SNX24: variants seen among roughly 807,000 people sequenced by gnomAD.
SNX24 encodes sorting nexin-24.
A neutral mutation model predicts 28.7 loss-of-function variants in SNX24; 22 were observed. That is an observed-to-expected ratio of 0.77 (90% CI 0.55 to 1.10). The LOEUF (loss-of-function observed/expected upper bound fraction) is 1.10. SNX24 is among the 50% of genes least tolerant of loss of function. The probability of loss-of-function intolerance (pLI) is 0.00; values close to 1 mark genes in which losing one functional copy is unlikely to be tolerated. For synonymous variants in SNX24, 69 were observed against 71.5 expected (o/e 0.96, Z 0.18); for missense variants, 221 against 201.1 (o/e 1.10, Z -0.60).
Position 123,008,775 on chromosome 5 carries a change from A to G in SNX24, c.*1026A>G. On this transcript the variant is annotated 3_prime_UTR_variant, in exon 7 of 7. Transcript: ENST00000261369. ...TTACGGCTTCCTTTTCACTGACCTC[A>G]TTTGTTGAGTTAATGTAAGTTAAAT... is the stretch of plus-strand genomic sequence containing the variant. 1.4e-6 allele frequency: 1 copy of G among 710,880 alleles called. No individual in the cohort carries two copies. Among genetic ancestry groups the G allele is most frequent in the Non-Finnish European group, 1.7e-6 (1 of 579,448 alleles). The allele number at this position is 710,880 out of a possible 1,614,324, so 44.0% of individuals were successfully genotyped here. A position where few individuals can be genotyped will look rare whatever the true frequency, so the allele number is the denominator to read the frequency against.
intron 5 of SNX24, among the ~76,000 whole-genome samples, chr5:123,020,258 G>A (rs436160): frequency 0.23 from 35,230 of 151,970 alleles, 5,214 homozygotes; most frequent in Non-Finnish European, 0.34. Flanking sequence ...TTCTTTTTCT[G>A]ATTATTAAAA....
intron 1 of SNX24, among the ~76,000 whole-genome samples, chr5:122,904,239 A>G (rs928480987): frequency 4.6e-5 from 7 of 151,874 alleles, no homozygotes; most frequent in African/African-American, 1.5e-4. Flanking sequence ...CTGGAGTGCA[A>G]TGGCACAATC....
At chr5:122,868,274 A>C (rs1475573668) in intron 1 of SNX24, among the ~76,000 whole-genome samples, 1 of 152,030 alleles carries the variant, frequency 6.6e-6, no homozygotes, top group Non-Finnish European at 1.5e-5. Context: ...CCATTTGATG[A>C]TGGAGTGCTG....
At chr5:122,898,341 A>G (rs758259922) in intron 1 of SNX24, among the ~76,000 whole-genome samples, 3 of 152,262 alleles carry the variant, frequency 2.0e-5, no homozygotes, top group African/African-American at 4.8e-5. Flanking sequence ...AAGACATGAT[A>G]CAGATAGCAA....
At chr5:122,899,829 G>GT (rs1343778823) in intron 1 of SNX24, among the ~76,000 whole-genome samples, 1 of 152,190 alleles carries the variant, frequency 6.6e-6, no homozygotes, top group Non-Finnish European at 1.5e-5. Flanking sequence ...GTATGCTCTT[G>GT]TGGGGATAAC....
intron 1 of SNX24, among the ~76,000 whole-genome samples, chr5:122,850,983 T>A (rs953127315): frequency 8.6e-5 from 13 of 151,924 alleles, no homozygotes; most frequent in Non-Finnish European, 8.8e-5. Flanking sequence ...TGCTCCTGAG[T>A]GGTCTTGCAA....
chr5:122,920,072 A>T (rs1319043037), intron 1 of SNX24, among the ~76,000 whole-genome samples: 1 of 152,190 alleles, frequency 6.6e-6, no homozygotes, highest in Non-Finnish European at 1.5e-5. Context: ...GAAAGTAGAA[A>T]ATTCAGGTAG....
chr5:122,993,773 G>C (rs1026696800), intron 3 of SNX24, among the ~76,000 whole-genome samples: 1 of 152,220 alleles, frequency 6.6e-6, no homozygotes, highest in Non-Finnish European at 1.5e-5. Context: ...TTACTGCAGT[G>C]AGGAGGTATT....
chr5:122,929,779 T>A (rs1043768472), intron 1 of SNX24, among the ~76,000 whole-genome samples: 12 of 152,118 alleles, frequency 7.9e-5, no homozygotes, highest in African/African-American at 2.9e-4. Flanking sequence ...TTATTCTAAT[T>A]TGAACACTTT....
chr5:122,980,425 C>G lies in SNX24; in HGVS notation c.250-19487C>G, dbSNP rs562810275. On this transcript the variant is annotated intron_variant, in intron 3 of 6. Coordinates refer to ENST00000261369, the MANE Select transcript of SNX24 (RefSeq NM_014035.4). Reference sequence around the variant, plus strand: ...GAGAGGCAAGTTCACTTTGCTTGATCCCAAGTAAATGTTAGCTTTGTCTCT... The same window carrying G: ...GAGAGGCAAGTTCACTTTGCTTGATGCCAAGTAAATGTTAGCTTTGTCTCT... Among the ~76,000 whole-genome samples, 4 of 152,026 alleles carry G rather than the reference C, an allele frequency of 2.6e-5. No homozygotes were observed. In the South Asian group the frequency reaches 8.3e-4, roughly 31 times the overall value.
chr5:123,023,977 T>C, intron 5 of SNX24: 1 of 1,613,934 alleles, frequency 6.2e-7, no homozygotes, highest in Non-Finnish European at 8.5e-7. Flanking sequence ...CATCAGTTGC[T>C]TGGAGCTCTA....
chr5:122,886,703 G>A (rs776569643), intron 1 of SNX24, among the ~76,000 whole-genome samples: 3 of 151,756 alleles, frequency 2.0e-5, no homozygotes, highest in Non-Finnish European at 4.4e-5. Flanking sequence ...GGTGGCAGGC[G>A]CCTGTAATCC....
At chr5:123,027,135 A>C (rs1008839121) in intron 5 of SNX24, among the ~76,000 whole-genome samples, 3 of 152,100 alleles carry the variant, frequency 2.0e-5, no homozygotes, top group Non-Finnish European at 4.4e-5. Flanking sequence ...CAGAGGTTGT[A>C]GTGAGCCAAG....
At chr5:122,957,875 G>A (rs959302304) in intron 3 of SNX24, among the ~76,000 whole-genome samples, 1 of 152,040 alleles carries the variant, frequency 6.6e-6, no homozygotes, top group African/African-American at 2.4e-5. Flanking sequence ...TATTGATTTT[G>A]TATCATACTA....
chr5:122,867,586 C>T (rs1723858905), intron 1 of SNX24, among the ~76,000 whole-genome samples: 1 of 152,168 alleles, frequency 6.6e-6, no homozygotes, highest in South Asian at 2.1e-4. Flanking sequence ...ATTTCTGAGC[C>T]TGTGCATAAC....
intron 1 of SNX24, among the ~76,000 whole-genome samples, chr5:122,933,343 C>T (rs1240952716): frequency 1.3e-5 from 2 of 152,176 alleles, no homozygotes; most frequent in Non-Finnish European, 2.9e-5. Context: ...TCTCACGTGC[C>T]GATTGGTTTT....
At chr5:122,885,839 AG>A (rs1426064022) in intron 1 of SNX24, among the ~76,000 whole-genome samples, 1 of 151,978 alleles carries the variant, frequency 6.6e-6, no homozygotes, top group Non-Finnish European at 1.5e-5. Flanking sequence ...TGGTCGGGGG[AG>A]GGGGGATGAG....
intron 4 of SNX24, 70 bp downstream of exon 4, chr5:123,000,076 T>C (rs1762192596): frequency 1.7e-5 from 18 of 1,050,402 alleles, no homozygotes; most frequent in Non-Finnish European, 2.2e-5. Flanking sequence ...ATCTAACAAA[T>C]AGCCCAGAGT....
chr5:122,944,420 G>A (rs1759589018), intron 2 of SNX24, among the ~76,000 whole-genome samples: 1 of 95,662 alleles, frequency 1.0e-5, no homozygotes, highest in South Asian at 4.4e-4. Flanking sequence ...CCCTCTGAAT[G>A]ACATTGATTT....
Sources: allele counts gnomAD v4.1 joint callset (sites outside exome capture counted in the v4.1 genomes callset), GRCh38; gene constraint gnomAD v4.1.1; transcripts MANE v1.5; gene names NCBI Gene and HGNC (gene_info 2026-07-23, HGNC 2026-07-21).